SNTG2: variants seen among roughly 807,000 people sequenced by gnomAD.
SNTG2 encodes the protein gamma-2-syntrophin.
Under a neutral mutation model 70.9 loss-of-function variants are expected in SNTG2, and 74 were observed. The observed-to-expected ratio is 1.04, with a 90% confidence interval of 0.86 to 1.27. SNTG2 has a LOEUF of 1.27. Among genes scored for constraint, SNTG2 ranks in the 50% most tolerant of loss-of-function variants. The pLI, the probability that SNTG2 is intolerant of heterozygous loss-of-function variation, is 0.00. For missense variants in SNTG2, 717 were observed against 690.7 expected (o/e 1.04, Z -0.43); for synonymous variants, 278 against 273.8 (o/e 1.02, Z -0.15).
At chr2:955,203 A>G (rs6708651) in intron 1 of SNTG2, among the ~76,000 whole-genome samples, 50,911 of 152,146 alleles carry the variant, frequency 0.33, 9,139 homozygotes, top group African/African-American at 0.46. Flanking sequence ...AGATCAGTGC[A>G]TGGCCTGTTA....
At chr2:964,950 G>C (rs1660483454) in intron 1 of SNTG2, among the ~76,000 whole-genome samples, 1 of 151,918 alleles carries the variant, frequency 6.6e-6, no homozygotes, top group African/African-American at 2.4e-5. Flanking sequence ...CTGTGCCCTG[G>C]TTCTGGTCCT....
At chr2:1,017,580 CAT>C (rs776922775) in intron 1 of SNTG2, among the ~76,000 whole-genome samples, 5 of 152,166 alleles carry the variant, frequency 3.3e-5, no homozygotes, top group African/African-American at 7.2e-5. Context: ...TGCACACACA[CAT>C]GTATGTACAT....
At chr2:1,159,056 G>C (rs188744129) in intron 6 of SNTG2, among the ~76,000 whole-genome samples, 15 of 151,954 alleles carry the variant, frequency 9.9e-5, no homozygotes, top group Admixed American at 5.9e-4. Flanking sequence ...ATGTGTCCAC[G>C]GGTGTACCTG....
intron 1 of SNTG2, among the ~76,000 whole-genome samples, chr2:1,007,682 G>A (rs1441755543): frequency 2.0e-5 from 3 of 152,210 alleles, no homozygotes; most frequent in Admixed American, 6.5e-5. Context: ...CACTCAGTAA[G>A]CGTTCAGGTC....
intron 6 of SNTG2, among the ~76,000 whole-genome samples, chr2:1,159,575 A>C (rs1339607529): frequency 2.0e-5 from 3 of 152,226 alleles, no homozygotes; most frequent in Non-Finnish European, 4.4e-5. Flanking sequence ...CGTCGAATAC[A>C]AGTAGGGCTT....
chr2:965,934 G>A (rs1279189098), intron 1 of SNTG2, among the ~76,000 whole-genome samples: 1 of 152,144 alleles, frequency 6.6e-6, no homozygotes, highest in African/African-American at 2.4e-5. Flanking sequence ...CCTTAGGGCG[G>A]GCTGGGCCCA....
intron 14 of SNTG2, among the ~76,000 whole-genome samples, chr2:1,276,214 T>C (rs1679257577): frequency 6.6e-6 from 1 of 152,216 alleles, no homozygotes. Flanking sequence ...GAGGCTACAC[T>C]AAACAATAGA....
intron 14 of SNTG2, among the ~76,000 whole-genome samples, chr2:1,296,809 C>T (rs1361485221): frequency 6.6e-6 from 1 of 152,208 alleles, no homozygotes. Flanking sequence ...TTGAAGAGTT[C>T]TGATATTAAC....
In SNTG2 at chr2:1,173,120, C is replaced by T. The variant is rs760810661; in HGVS notation, c.528C>T (p.Ser176=). The part of the protein sequence containing the change: ...LGSPGPSSDH[S]SGASSPLFDS... ...CCCCAGGGCCATCCAGCGACCACAGCAGTGGGGCCTCCTCTCCCCTCTTTG... is the reference window on the plus strand; with the variant it reads ...CCCCAGGGCCATCCAGCGACCACAGTAGTGGGGCCTCCTCTCCCCTCTTTG... The change falls in exon 8 of 17, where the codon AGC becomes AGT. Residue 176 remains serine (S), a synonymous_variant. Coordinates refer to ENST00000308624, the MANE Select transcript of SNTG2 (RefSeq NM_018968.4). 6.2e-7 allele frequency: 1 copy of T among 1,614,016 alleles called. No individual in the cohort carries two copies. Among genetic ancestry groups the T allele is most frequent in the South Asian group, 1.1e-5 (1 of 91,078 alleles).
chr2:1,012,381 A>G (rs1460445086), intron 1 of SNTG2, among the ~76,000 whole-genome samples: 2 of 152,224 alleles, frequency 1.3e-5, no homozygotes, highest in Non-Finnish European at 2.9e-5. Flanking sequence ...CGATGAGCAG[A>G]GCCTGGCACA....
chr2:1,158,050 G>A (rs1171997515), intron 6 of SNTG2, among the ~76,000 whole-genome samples: 1 of 152,190 alleles, frequency 6.6e-6, no homozygotes, highest in Non-Finnish European at 1.5e-5. Flanking sequence ...ACACTCAGGT[G>A]GGGGCTCATG....
At chr2:1,235,118 G>T (rs1000410449) in intron 9 of SNTG2, among the ~76,000 whole-genome samples, 1 of 150,864 alleles carries the variant, frequency 6.6e-6, no homozygotes, top group Non-Finnish European at 1.5e-5. Flanking sequence ...CCCCCATGCT[G>T]CCCTGAGGTC....
chr2:1,336,940 G>A (rs1307062697), intron 16 of SNTG2, among the ~76,000 whole-genome samples: 1 of 151,834 alleles, frequency 6.6e-6, no homozygotes, highest in Non-Finnish European at 1.5e-5. Context: ...GCTAGTCAAG[G>A]TCTTTTGCAG....
chr2:1,149,895 AGC>A (rs1669365491), intron 6 of SNTG2, among the ~76,000 whole-genome samples: 2 of 151,482 alleles, frequency 1.3e-5, no homozygotes, highest in South Asian at 4.2e-4. Flanking sequence ...TCACCATGTT[AGC>A]CAGGATGGTC....
At chr2:1,356,936 GTT>G (rs911200527) in intron 16 of SNTG2, among the ~76,000 whole-genome samples, 1 of 148,922 alleles carries the variant, frequency 6.7e-6, no homozygotes, top group African/African-American at 2.5e-5. Context: ...TTGTAAGTGG[GTT>G]TTTTTTTTTC....
At chr2:1,306,924 G>A (rs1222842460) in intron 14 of SNTG2, among the ~76,000 whole-genome samples, 1 of 151,896 alleles carries the variant, frequency 6.6e-6, no homozygotes, top group Non-Finnish European at 1.5e-5. Flanking sequence ...GCGTGTGTAA[G>A]CCGCATGCTG....
At chr2:1,304,345 G>A (rs1015623412) in intron 14 of SNTG2, among the ~76,000 whole-genome samples, 6 of 152,148 alleles carry the variant, frequency 3.9e-5, no homozygotes, top group Admixed American at 1.3e-4. Flanking sequence ...CAAAGGGGGC[G>A]ACTTGCCTGT....
chr2:1,297,585 A>T (rs958028807), intron 14 of SNTG2, among the ~76,000 whole-genome samples: 26 of 151,308 alleles, frequency 1.7e-4, no homozygotes, highest in Middle Eastern at 6.9e-3. Context: ...GCTCCTTCCC[A>T]GCGGCCCAGC....
intron 11 of SNTG2, among the ~76,000 whole-genome samples, chr2:1,243,377 C>A (rs572916658): frequency 1.3e-5 from 2 of 152,300 alleles, no homozygotes; most frequent in Non-Finnish European, 2.9e-5. Flanking sequence ...TGCTCGGATT[C>A]CAGCTGGTAC....
Sources: gnomAD v4.1 joint callset for allele counts (sites outside exome capture counted in the v4.1 genomes callset) on GRCh38, gnomAD v4.1.1 for gene constraint, MANE v1.5 for transcripts, NCBI Gene and HGNC (gene_info 2026-07-23, HGNC 2026-07-21) for gene names.